The following SGCZ variants were observed in gnomAD, a reference collection of about 807,000 sequenced individuals.
SGCZ encodes the protein zeta-sarcoglycan.
Under a neutral mutation model 41.3 loss-of-function variants are expected in SGCZ, and 40 were observed. The observed-to-expected ratio is 0.97, with a 90% CI of 0.75 to 1.26. The LOEUF is 1.26. Ranked by LOEUF, SGCZ falls within the 50% of genes most tolerant of loss-of-function variation. SGCZ has a pLI of 0.00. For missense variants in SGCZ, 552 were observed against 369.8 expected, an observed-to-expected ratio of 1.49 and a Z score of -4.04; for synonymous variants, 206 against 137.5, an observed-to-expected ratio of 1.50 and a Z score of -3.49.
chr8:14,794,670 G>T (rs974132374), intron 1 of SGCZ, among the ~76,000 whole-genome samples: 2 of 152,130 alleles, frequency 1.3e-5, no homozygotes, highest in African/African-American at 4.8e-5. Context: ...AGACTGAAAG[G>T]TATAGGGTCC....
chr8:14,783,341 G>A (rs981869904), intron 1 of SGCZ, among the ~76,000 whole-genome samples: 4 of 151,922 alleles, frequency 2.6e-5, no homozygotes, highest in African/African-American at 9.7e-5. Context: ...AGCTGAGGAA[G>A]CAGAATCACT....
chr8:14,640,885 A>T (rs1173733842), intron 1 of SGCZ, among the ~76,000 whole-genome samples: 1 of 151,698 alleles, frequency 6.6e-6, no homozygotes, highest in Non-Finnish European at 1.5e-5. Context: ...AGCCATCTGC[A>T]GCATACATCT....
chr8:14,713,905 T>C (rs574041514), intron 1 of SGCZ, among the ~76,000 whole-genome samples: 4 of 152,298 alleles, frequency 2.6e-5, no homozygotes, highest in South Asian at 2.1e-4. Flanking sequence ...CGATATTTTT[T>C]AAACCTTTAA....
intron 2 of SGCZ, among the ~76,000 whole-genome samples, chr8:14,423,616 G>A (rs549249487): frequency 5.3e-5 from 8 of 152,148 alleles, no homozygotes; most frequent in South Asian, 2.1e-4. Flanking sequence ...GGGTTTCTCC[G>A]TTGATCAGGT....
At chr8:15,063,229 T>G (rs1053974314) in intron 1 of SGCZ, among the ~76,000 whole-genome samples, 1 of 152,158 alleles carries the variant, frequency 6.6e-6, no homozygotes, top group African/African-American at 2.4e-5. Flanking sequence ...AAATTGACTA[T>G]AGTATATTAA....
intron 2 of SGCZ, among the ~76,000 whole-genome samples, chr8:14,480,156 G>A (rs1036459093): frequency 4.6e-5 from 7 of 152,130 alleles, no homozygotes; most frequent in Non-Finnish European, 1.0e-4. Context: ...CTTCTACACT[G>A]AAACAGTTTT....
intron 3 of SGCZ, among the ~76,000 whole-genome samples, chr8:14,303,099 C>T (rs1343942965): frequency 6.6e-6 from 1 of 152,080 alleles, no homozygotes; most frequent in Non-Finnish European, 1.5e-5. Flanking sequence ...CCACTTTTAC[C>T]TGTGATAGTT....
At position 15,200,221 on chromosome 8, in the gene SGCZ, C is replaced by T. The variant is rs568618067; in HGVS notation, c.39+37364G>A. 3.9e-5 allele frequency among the ~76,000 whole-genome samples: 6 copies of T among 152,294 alleles called. No individual in the cohort carries two copies. In the South Asian group the frequency reaches 1.2e-3, roughly 32 times the overall value. ...CATAAATACTGATTTACATCTGTAGCTTTGGACTCATTAAAGCTCCAGAAT... is the reference window on the plus strand; with the variant it reads ...CATAAATACTGATTTACATCTGTAGTTTTGGACTCATTAAAGCTCCAGAAT... On this transcript the variant is annotated intron_variant, in intron 1 of 7. Transcript: ENST00000382080.
At chr8:14,595,840 T>C (rs184120723) in intron 1 of SGCZ, among the ~76,000 whole-genome samples, 1 of 152,314 alleles carries the variant, frequency 6.6e-6, no homozygotes, top group Non-Finnish European at 1.5e-5. Context: ...TTTTTAAGAA[T>C]GCAGCTGTGT....
intron 1 of SGCZ, among the ~76,000 whole-genome samples, chr8:14,753,451 G>T (rs1799562168): frequency 1.3e-5 from 2 of 152,288 alleles, no homozygotes; most frequent in South Asian, 4.1e-4. Flanking sequence ...GAGATGTGTT[G>T]CTATAGCATT....
intron 1 of SGCZ, among the ~76,000 whole-genome samples, chr8:15,026,884 C>T (rs189281219): frequency 2.8e-4 from 43 of 152,248 alleles, no homozygotes; most frequent in African/African-American, 8.4e-4. Context: ...AATATTGAAG[C>T]GCTAACAGCA....
chr8:15,018,742 G>A (rs531806272), intron 1 of SGCZ, among the ~76,000 whole-genome samples: 1 of 152,330 alleles, frequency 6.6e-6, no homozygotes, highest in South Asian at 2.1e-4. Context: ...GGATGTTGTA[G>A]TAGTCCGTTC....
chr8:15,141,815 C>T (rs976030188), intron 1 of SGCZ, among the ~76,000 whole-genome samples: 11 of 151,598 alleles, frequency 7.3e-5, no homozygotes, highest in African/African-American at 2.4e-4. Flanking sequence ...GCAGGAGAAC[C>T]ACTTGAACCC....
chr8:15,155,522 CAAGT>C (rs1799303965), intron 1 of SGCZ, among the ~76,000 whole-genome samples: 1 of 152,026 alleles, frequency 6.6e-6, no homozygotes, highest in Non-Finnish European at 1.5e-5. Context: ...GATGTATTCA[CAAGT>C]AAGTTGAGTA....
chr8:14,667,594 A>G (rs1807951787), intron 1 of SGCZ, among the ~76,000 whole-genome samples: 1 of 152,186 alleles, frequency 6.6e-6, no homozygotes, highest in Non-Finnish European at 1.5e-5. Flanking sequence ...CTCTTTCTGA[A>G]GCCAAATGTT....
At chr8:14,565,499 AAGAC>A (rs1459661106) in intron 1 of SGCZ, among the ~76,000 whole-genome samples, 2 of 152,068 alleles carry the variant, frequency 1.3e-5, no homozygotes, top group Non-Finnish European at 2.9e-5. Context: ...TAAAACAACA[AAGAC>A]AGTCCACGGG....
At chr8:15,151,102 C>T (rs558713705) in intron 1 of SGCZ, among the ~76,000 whole-genome samples, 129 of 152,356 alleles carry the variant, frequency 8.5e-4, no homozygotes, top group South Asian at 4.6e-3. Context: ...TTCGCTGGAG[C>T]GGCCTCGGAG....
intron 1 of SGCZ, among the ~76,000 whole-genome samples, chr8:14,639,054 T>G (rs1806930980): frequency 1.4e-5 from 2 of 140,618 alleles, no homozygotes; most frequent in African/African-American, 5.4e-5. Flanking sequence ...TTTTTTTTTT[T>G]GTCTTTTTTT....
At chr8:14,364,863 C>G (rs1289955129) in intron 2 of SGCZ, among the ~76,000 whole-genome samples, 1 of 152,044 alleles carries the variant, frequency 6.6e-6, no homozygotes, top group Non-Finnish European at 1.5e-5. Flanking sequence ...TTCATATAGT[C>G]AAGTCTAACA....
Sources: allele counts gnomAD v4.1 joint callset (sites outside exome capture counted in the v4.1 genomes callset), GRCh38; gene constraint gnomAD v4.1.1; transcripts MANE v1.5; gene names NCBI Gene and HGNC (gene_info 2026-07-23, HGNC 2026-07-21).